The following BRINP3 variants were observed in gnomAD, a reference collection of about 807,000 sequenced individuals.
The protein encoded by BRINP3 is BMP/retinoic acid-inducible neural-specific protein 3.
A neutral mutation model predicts 71.0 loss-of-function variants in BRINP3; 19 were observed. The ratio of observed to expected loss-of-function variants is 0.27; its 90% CI spans 0.19 to 0.39. The LOEUF is 0.39. Ranked by LOEUF, BRINP3 falls within the 10% of genes least tolerant of loss-of-function variation. The probability of loss-of-function intolerance (pLI) is 1.00; values close to 1 mark genes in which losing one functional copy is unlikely to be tolerated. For missense variants in BRINP3, 959 were observed against 940.8 expected, an observed-to-expected ratio of 1.02 and a Z score of -0.25; for synonymous variants, 380 against 337.7, an observed-to-expected ratio of 1.13 and a Z score of -1.37.
intron 2 of BRINP3, among the ~76,000 whole-genome samples, chr1:190,436,013 A>T (rs1218520338): frequency 6.6e-6 from 1 of 151,902 alleles, no homozygotes; most frequent in Admixed American, 6.6e-5. Flanking sequence ...TTTTTTCCCC[A>T]TGATGGAGTA....
chr1:190,142,166 G>A (rs1395169152), intron 7 of BRINP3, among the ~76,000 whole-genome samples: 2 of 152,076 alleles, frequency 1.3e-5, no homozygotes, highest in Non-Finnish European at 2.9e-5. Flanking sequence ...CCACATTCTG[G>A]TTGGCCACAT....
At chr1:190,364,244 TG>T (rs530880310) in intron 2 of BRINP3, among the ~76,000 whole-genome samples, 274 of 152,250 alleles carry the variant, frequency 1.8e-3, no homozygotes, top group East Asian at 5.4e-3. Flanking sequence ...TATTTTATAA[TG>T]TTTTTTTCCA....
chr1:190,202,200 T>G (rs913534122), intron 6 of BRINP3, among the ~76,000 whole-genome samples: 2 of 152,158 alleles, frequency 1.3e-5, no homozygotes, highest in Non-Finnish European at 2.9e-5. Context: ...ATGTGAGACA[T>G]GAAGTCAAAG....
chr1:190,474,549 A>G (rs531930821), intron 1 of BRINP3: 1 of 152,776 alleles, frequency 6.5e-6, no homozygotes, highest in South Asian at 2.1e-4. Context: ...TTGACTAGAT[A>G]GAATATTTTT....
rs1056948478 is a variant in BRINP3, at chr1:190,150,467, A to G, written c.1184+10201T>C. On this transcript the variant is annotated intron_variant, in intron 7 of 7. Coordinates refer to ENST00000367462, the MANE Select transcript of BRINP3 (RefSeq NM_199051.3). Reference sequence around the variant, plus strand: ...AATTAGTCATTAGATTAAATGTATCATTAAAGCAACTCAAATTAGGTTTTC... The same window carrying G: ...AATTAGTCATTAGATTAAATGTATCGTTAAAGCAACTCAAATTAGGTTTTC... Among the ~76,000 whole-genome samples the G allele has an allele frequency of 4.6e-5, 7 of 152,192 alleles. 1 individual carries two copies. The highest frequency in any genetic ancestry group is 1.7e-4 in the African/African-American group (7 of 41,450).
intron 2 of BRINP3, among the ~76,000 whole-genome samples, chr1:190,405,375 C>T (rs1382044346): frequency 1.0e-4 from 14 of 138,212 alleles, no homozygotes; most frequent in East Asian, 4.6e-4. Flanking sequence ...GGCGTGAACC[C>T]GGGAGGCGGA....
chr1:190,207,704 C>T (rs1261873612), intron 6 of BRINP3, among the ~76,000 whole-genome samples: 1 of 152,042 alleles, frequency 6.6e-6, no homozygotes, highest in African/African-American at 2.4e-5. Flanking sequence ...AGTCATGTGG[C>T]TACACTTCAC....
chr1:190,361,981 G>C (rs1362103162), intron 2 of BRINP3: 1 of 152,004 alleles, frequency 6.6e-6, no homozygotes, highest in Non-Finnish European at 1.5e-5. Flanking sequence ...TGAGCTTATG[G>C]TCTTCATGAT....
At chr1:190,413,942 G>A (rs1245038593) in intron 2 of BRINP3, among the ~76,000 whole-genome samples, 2 of 151,942 alleles carry the variant, frequency 1.3e-5, no homozygotes, top group Non-Finnish European at 2.9e-5. Context: ...TTAAGATTAT[G>A]GATAATTTAA....
intron 4 of BRINP3, among the ~76,000 whole-genome samples, chr1:190,246,724 G>A (rs2102795024): frequency 6.6e-6 from 1 of 152,150 alleles, no homozygotes; most frequent in East Asian, 1.9e-4. Flanking sequence ...TGTAGGAGCT[G>A]TTATTTTAGC....
chr1:190,412,438 C>CT (rs1177615709), intron 2 of BRINP3, among the ~76,000 whole-genome samples: 2 of 134,554 alleles, frequency 1.5e-5, no homozygotes, highest in East Asian at 4.4e-4. Context: ...CTATGTAGTA[C>CT]TTTTTTTGTT....
At chr1:190,204,692 T>C (rs1286875281) in intron 6 of BRINP3, among the ~76,000 whole-genome samples, 2 of 152,066 alleles carry the variant, frequency 1.3e-5, no homozygotes, top group Non-Finnish European at 2.9e-5. Flanking sequence ...ATAGAATCTC[T>C]AATATATTTT....
chr1:190,269,528 C>T (rs994931824), intron 3 of BRINP3, among the ~76,000 whole-genome samples: 1 of 151,964 alleles, frequency 6.6e-6, no homozygotes, highest in Non-Finnish European at 1.5e-5. Flanking sequence ...ATTCCTCTAA[C>T]ATTCCAAGAA....
chr1:190,130,924 C>G (rs1012939766), intron 7 of BRINP3, among the ~76,000 whole-genome samples: 2 of 151,796 alleles, frequency 1.3e-5, no homozygotes, highest in African/African-American at 2.4e-5. Context: ...GATTCCTGAA[C>G]GATTATCTGC....
intron 7 of BRINP3, among the ~76,000 whole-genome samples, chr1:190,130,288 T>C (rs573981671): frequency 1.1e-3 from 171 of 152,186 alleles, no homozygotes; most frequent in Middle Eastern, 3.4e-3. Context: ...GAGTCTACGT[T>C]TGGGCCAAAC....
Position 190,098,366 on chromosome 1 carries a change from A to G in BRINP3, c.1953T>C (p.Phe651=), listed in dbSNP as rs775674528. 11 of 1,614,050 alleles carry G rather than the reference A, an allele frequency of 6.8e-6. No individual in the cohort carries two copies. The Admixed American group carries it at 1.8e-4, about 27-fold the overall frequency. ...NESIYYEPLE[F]IDPSRNLGYM... ...AGCCCAGGTTCCGGGAAGGGTCAAT[A>G]AACTCCAGAGGTTCATAGTAAATGC... Residue 651 remains phenylalanine (F), a synonymous_variant, in exon 8 of 8, where the codon TTT becomes TTC. Transcript: ENST00000367462.
At chr1:190,290,502 T>C (rs1663778649) in intron 2 of BRINP3, among the ~76,000 whole-genome samples, 1 of 152,150 alleles carries the variant, frequency 6.6e-6, no homozygotes, top group Non-Finnish European at 1.5e-5. Context: ...TTTTCTCCTA[T>C]AAACTTTAAA....
At chr1:190,307,706 GA>G (rs1428566268) in intron 2 of BRINP3, among the ~76,000 whole-genome samples, 1 of 151,006 alleles carries the variant, frequency 6.6e-6, no homozygotes, top group Non-Finnish European at 1.5e-5. Context: ...CACCTCCCTC[GA>G]AAAAAAGAGC....
In BRINP3 at chr1:190,310,107, T is replaced by C. The variant is rs922500291; in HGVS notation, c.237-28357A>G. ...CTCACCTCTTTTGTGGTTGTTGTTT[T>C]TTTTTTTTTTAAGTGCAGTTCTAAC... On this transcript the variant is annotated intron_variant, in intron 2 of 7. Transcript: ENST00000367462. 2.0e-4 allele frequency among the ~76,000 whole-genome samples: 30 copies of C among 151,150 alleles called. No individual in the cohort carries two copies. In the East Asian group the frequency reaches 4.5e-3, roughly 22 times the overall value.
Sources: gnomAD v4.1 joint callset for allele counts (sites outside exome capture counted in the v4.1 genomes callset) on GRCh38, gnomAD v4.1.1 for gene constraint, MANE v1.5 for transcripts, NCBI Gene and HGNC (gene_info 2026-07-23, HGNC 2026-07-21) for gene names.